KMT2A: variants seen among roughly 807,000 people sequenced by gnomAD.
KMT2A encodes the protein histone-lysine N-methyltransferase 2A.
In KMT2A, 16 loss-of-function variants were observed where a neutral mutation model predicts 345.3. The ratio of observed to expected loss-of-function variants is 0.05; its 90% confidence interval spans 0.03 to 0.07. KMT2A has a LOEUF of 0.07. Among genes scored for constraint, KMT2A ranks in the 10% least tolerant of loss-of-function variants. The probability of loss-of-function intolerance (pLI) is 1.00; values close to 1 mark genes in which losing one functional copy is unlikely to be tolerated. For missense variants in KMT2A, 3,272 were observed against 4,841.6 expected (o/e 0.68, Z 9.62); for synonymous variants, 1,599 against 1,778.6 (o/e 0.90, Z 2.54).
In KMT2A at chr11:118,502,916, A is replaced by G. The variant is rs1228174368; in HGVS notation, c.7024A>G (p.Thr2342Ala). ...PKLAPQVHNT[T>A]SRELNVSKIG... ...ACTGGCCCCACAGGTTCATAACACA[A>G]CATCTAGAGAACTGAATGTTAGTAA... Residue 2342 changes from threonine to alanine, a missense_variant, in exon 27 of 36, where the codon ACA becomes GCA. Coordinates refer to ENST00000534358, the MANE Select transcript of KMT2A (RefSeq NM_001197104.2). This position sits in a 1 kb window ranked among gnomAD's most constrained non-coding sequence, Gnocchi z 4.9. The G allele has an allele frequency of 2.5e-6, 4 of 1,614,148 alleles. No homozygotes were observed. The highest frequency in any genetic ancestry group is 3.4e-6 in the Non-Finnish European group (4 of 1,180,024).
intron 1 of KMT2A, among the ~76,000 whole-genome samples, chr11:118,459,693 T>A (rs1295292662): frequency 6.6e-6 from 1 of 150,814 alleles, no homozygotes; most frequent in Non-Finnish European, 1.5e-5. Flanking sequence ...TGAAATGGAG[T>A]CTTGCTCCGT....
Position 118,473,407 on chromosome 11 carries a change from TCTC to T in KMT2A, c.2251_2253del (p.Pro751del), listed in dbSNP as rs1949977683. 3.1e-6 allele frequency: 5 copies of T among 1,614,068 alleles called. No individual in the cohort carries two copies. Among genetic ancestry groups the T allele is most frequent in the Non-Finnish European group, 4.2e-6 (5 of 1,180,030 alleles). ...TAGTCCTATTCGATCTGAACCAAGA[TCTC>T]CTTCTCACTCCATGAGGACAAGAAG... is the stretch of plus-strand genomic sequence containing the variant. On this transcript the variant is annotated inframe_deletion, in exon 3 of 36. Coordinates refer to ENST00000534358, the MANE Select transcript of KMT2A (RefSeq NM_001197104.2). The surrounding 1 kb of genome is among the most constrained non-coding windows in gnomAD (Gnocchi z 5.2).
intron 3 of KMT2A, among the ~76,000 whole-genome samples, chr11:118,474,902 A>G (rs1950007020): frequency 6.6e-6 from 1 of 151,986 alleles, no homozygotes; most frequent in Admixed American, 6.6e-5. Flanking sequence ...AGGTGGGCGG[A>G]TCACTTGAGG....
Position 118,494,663 on chromosome 11 carries a change from A to C in KMT2A, c.5290-31A>C. ...ATGTGGTATCTAAATGAGTGTTTAC[A>C]TATTTACATTTTGTTTGTGTTTTCT... On this transcript the variant is annotated intron_variant, in intron 17 of 35. Coordinates refer to ENST00000534358, the MANE Select transcript of KMT2A (RefSeq NM_001197104.2). The surrounding 1 kb of genome is among the most constrained non-coding windows in gnomAD (Gnocchi z 5.8). The C allele has an allele frequency of 6.3e-7, 1 of 1,584,714 alleles. No homozygotes were observed. Among genetic ancestry groups the C allele is most frequent in the Non-Finnish European group, 8.7e-7 (1 of 1,154,404 alleles).
At chr11:118,512,557 T>G (rs576455381) in intron 31 of KMT2A, among the ~76,000 whole-genome samples, 1 of 152,314 alleles carries the variant, frequency 6.6e-6, no homozygotes, top group African/African-American at 2.4e-5. Flanking sequence ...GACATTTGGG[T>G]TTTTTCTATT....
intron 31 of KMT2A, among the ~76,000 whole-genome samples, chr11:118,512,555 G>A (rs1308556933): frequency 1.3e-5 from 2 of 151,882 alleles, no homozygotes; most frequent in Admixed American, 1.3e-4. Flanking sequence ...TGGACATTTG[G>A]GTTTTTTCTA....
Position 118,491,172 on chromosome 11 carries a change from C to T in KMT2A, c.4697-24C>T. On this transcript the variant is annotated intron_variant, in intron 13 of 35. Coordinates refer to ENST00000534358, the MANE Select transcript of KMT2A (RefSeq NM_001197104.2). This position sits in a 1 kb window ranked among gnomAD's most constrained non-coding sequence, Gnocchi z 4.2. ...CACGGGTATGTGAGCCAAAGCACTG[C>T]TGTAAACTTTGCTTTGCTTTCAGGA... The T allele has an allele frequency of 6.2e-7, 1 of 1,611,736 alleles. No individual in the cohort carries two copies. The highest frequency in any genetic ancestry group is 8.5e-7 in the Non-Finnish European group (1 of 1,178,938).
At chr11:118,517,395 C>CA (rs11436622) in intron 31 of KMT2A, among the ~76,000 whole-genome samples, 84,931 of 113,750 alleles carry the variant, frequency 0.75, 31,355 homozygotes, top group Admixed American at 0.83. Flanking sequence ...GACTCTGTCT[C>CA]AAAAAAAAAA....
chr11:118,472,939 T>A lies in KMT2A; in HGVS notation c.1780T>A (p.Ser594Thr), dbSNP rs1555036177. The change falls in exon 3 of 36, where the codon TCA becomes ACA. Residue 594 changes from serine (S) to threonine (T), a missense_variant. Around this residue, in one of 27 missense-constraint regions of KMT2A, gnomAD observed 114 missense variants for 203.2 expected, o/e 0.56. Coordinates refer to ENST00000534358, the MANE Select transcript of KMT2A (RefSeq NM_001197104.2). ...TATGCCTCCAACAATCCCCTTAGCA[T>A]CACCATTTTTGCCTGCTTCCACTGC... Reference protein sequence around the residue: ...WLMPPTIPLASPFLPASTAPM... With the variant: ...WLMPPTIPLATPFLPASTAPM... The A allele has an allele frequency of 2.5e-6, 4 of 1,614,012 alleles. No homozygotes were observed. In the Admixed American group the frequency reaches 6.7e-5, roughly 27 times the overall value.
intron 1 of KMT2A, among the ~76,000 whole-genome samples, chr11:118,440,274 C>CAGCAGTTGG (rs1216001322): frequency 5.9e-5 from 9 of 152,210 alleles, no homozygotes; most frequent in African/African-American, 2.2e-4. Flanking sequence ...TGGTTCCTAA[C>CAGCAGTTGG]TTCCTTTGTA....
At chr11:118,487,485 C>T (rs927291673) in intron 10 of KMT2A, among the ~76,000 whole-genome samples, 1 of 152,108 alleles carries the variant, frequency 6.6e-6, no homozygotes, top group Admixed American at 6.5e-5. Flanking sequence ...ATGAGTTGTA[C>T]AGAGAATTCT....
intron 31 of KMT2A, among the ~76,000 whole-genome samples, chr11:118,514,612 T>TGTA (rs1555051088): frequency 3.3e-5 from 5 of 151,246 alleles, no homozygotes. Context: ...GGCTATTTTT[T>TGTA]GTATTATTAT....
chr11:118,443,439 A>G (rs782227542), intron 1 of KMT2A, among the ~76,000 whole-genome samples: 1 of 152,250 alleles, frequency 6.6e-6, no homozygotes, highest in East Asian at 1.9e-4. Flanking sequence ...GAAGCCAACC[A>G]TGAGACTGTA....
chr11:118,521,037 CCTT>C lies in KMT2A; in HGVS notation c.11513+153_11513+155del, dbSNP rs1950956088. 1 of 671,626 alleles carries C rather than the reference CCTT, an allele frequency of 1.5e-6. No individual in the cohort carries two copies. Among genetic ancestry groups the C allele is most frequent in the African/African-American group, 1.8e-5 (1 of 54,908 alleles). The allele number at this position is 671,626 out of a possible 1,614,324, so 41.6% of individuals were successfully genotyped here. On this transcript the variant is annotated intron_variant, in intron 34 of 35. Transcript: ENST00000534358. This position sits in a 1 kb window ranked among gnomAD's most constrained non-coding sequence, Gnocchi z 5.3. ...CCTCATATCCTGGGATCCTGCACCT[CCTT>C]GTGTTGAACAAGGACTTTAACATAA...
intron 1 of KMT2A, chr11:118,447,831 T>A (rs1949453276): frequency 1.6e-5 from 4 of 249,638 alleles, no homozygotes; most frequent in Non-Finnish European, 3.3e-5. Flanking sequence ...GACAGCAGAA[T>A]AAGAGAAAAT....
intron 15 of KMT2A, among the ~76,000 whole-genome samples, 174 bp from the exon 16 acceptor site, chr11:118,492,883 A>G (rs1555042947): frequency 6.6e-6 from 1 of 152,244 alleles, no homozygotes; most frequent in African/African-American, 2.4e-5. Flanking sequence ...AAGCTATTAC[A>G]TAACAGTCTC....
rs1390104203 is a variant in KMT2A, at chr11:118,503,868, G to A, written c.7976G>A (p.Arg2659Gln). 1 of 1,614,222 alleles carries A rather than the reference G, an allele frequency of 6.2e-7. No homozygotes were observed. Among genetic ancestry groups the A allele is most frequent in the East Asian group, 2.2e-5 (1 of 44,884 alleles). ...PFYSSSTGKKRGKRSAEGQVD... is the reference protein window; with the variant it reads ...PFYSSSTGKKQGKRSAEGQVD... ...TACAGCAGCTCAACTGGGAAGAAGCGAGGCAAGAGATCAGCTGAAGGACAG... is the reference window on the plus strand; with the variant it reads ...TACAGCAGCTCAACTGGGAAGAAGCAAGGCAAGAGATCAGCTGAAGGACAG... Residue 2659 changes from arginine to glutamine, a missense_variant, in exon 27 of 36, where the codon CGA (arginine) becomes CAA (glutamine). Arg to Gln is a conservative substitution (Grantham distance 43). Around this residue, in one of 27 missense-constraint regions of KMT2A, gnomAD observed 21 missense variants for 74.6 expected, o/e 0.28. Coordinates refer to ENST00000534358, the MANE Select transcript of KMT2A (RefSeq NM_001197104.2). The surrounding 1 kb of genome is among the most constrained non-coding windows in gnomAD (Gnocchi z 5.3).
chr11:118,523,045 G>A lies in KMT2A; in HGVS notation c.*873G>A, dbSNP rs1415039321. On this transcript the variant is annotated 3_prime_UTR_variant, in exon 36 of 36. Coordinates refer to ENST00000534358, the MANE Select transcript of KMT2A (RefSeq NM_001197104.2). ...GCCTGTAAGCACTCCAGGTGGGGAA[G>A]TGGACAGGAGCCATTGGTCATAACC... is the stretch of plus-strand genomic sequence containing the variant. 9.1e-6 allele frequency: 2 copies of A among 220,036 alleles called. No individual in the cohort carries two copies. Among genetic ancestry groups the A allele is most frequent in the African/African-American group, 4.5e-5 (2 of 44,564 alleles). 13.6% of individuals were successfully genotyped at this position (220,036 alleles called of 1,614,324 possible).
chr11:118,513,953 A>G (rs1360397165), intron 31 of KMT2A, among the ~76,000 whole-genome samples: 287 of 151,208 alleles, frequency 1.9e-3, no homozygotes, highest in African/African-American at 5.4e-3. Context: ...AAAAAAAAAA[A>G]AAAAAGAAAA....
Sources: allele counts gnomAD v4.1 joint callset (sites outside exome capture counted in the v4.1 genomes callset), GRCh38; gene constraint gnomAD v4.1.1; regional missense constraint gnomAD v4.1.1; non-coding constraint Gnocchi (gnomAD v3.1); transcripts MANE v1.5; gene names NCBI Gene and HGNC (gene_info 2026-07-23, HGNC 2026-07-21).